ASPRV1: variants seen among roughly 807,000 people sequenced by gnomAD.
ASPRV1 encodes aspartic peptidase retroviral like 1, also known as retroviral-like aspartic protease 1.
In ASPRV1, 7 loss-of-function variants were observed where a neutral mutation model predicts 11.0. The ratio of observed to expected loss-of-function variants is 0.64; its 90% CI spans 0.36 to 1.20. The LOEUF (loss-of-function observed/expected upper bound fraction) is 1.20, where lower values mean the gene tolerates loss of function less well. Ranked by LOEUF, ASPRV1 falls within the 50% of genes most tolerant of loss-of-function variation. The pLI, the probability that ASPRV1 is intolerant of heterozygous loss-of-function variation, is 0.02. For synonymous variants in ASPRV1, 136 were observed against 138.4 expected, an observed-to-expected ratio of 0.98 and a Z score of 0.12; for missense variants, 299 against 320.0, an observed-to-expected ratio of 0.93 and a Z score of 0.50.
At chr2:70,071,970 GAGAA>G in the ASPRV1 span, among the ~76,000 whole-genome samples, 2 of 149,384 alleles carry the variant, frequency 1.3e-5, no homozygotes, top group Non-Finnish European at 3.0e-5. Context: ...TTTTTTTTAT[GAGAA>G]AGAGTCTCGC....
At chr2:69,968,933 T>TCTCCTGAATC in the ASPRV1 span, among the ~76,000 whole-genome samples, 1 of 152,218 alleles carries the variant, frequency 6.6e-6, no homozygotes. Flanking sequence ...GTACACTCTT[T>TCTCCTGAATC]TCCTGAATCT....
chr2:70,019,510 G>A, the ASPRV1 span, among the ~76,000 whole-genome samples: 101 of 148,862 alleles, frequency 6.8e-4, no homozygotes, highest in Non-Finnish European at 3.2e-4. Context: ...TAAAATCAAT[G>A]TAAGTGTCCA....
At chr2:69,988,078 A>G in the ASPRV1 span, among the ~76,000 whole-genome samples, 1 of 152,260 alleles carries the variant, frequency 6.6e-6, no homozygotes, top group African/African-American at 2.4e-5. Context: ...AAAGTAGTAT[A>G]CAGCCACTGT....
the ASPRV1 span, among the ~76,000 whole-genome samples, chr2:69,970,332 A>G: frequency 6.6e-6 from 1 of 152,162 alleles, no homozygotes. Context: ...AAGTCTGCTC[A>G]TGCCATTCTG....
At chr2:69,957,294 G>C (rs1018028151), downstream of ASPRV1, among the ~76,000 whole-genome samples, 8 of 152,076 alleles carry the variant, frequency 5.3e-5, no homozygotes, top group Non-Finnish European at 8.8e-5. Context: ...ATATAGATAG[G>C]AGAAAAGGAA....
the ASPRV1 span, among the ~76,000 whole-genome samples, chr2:69,934,805 G>A: frequency 1.3e-5 from 2 of 152,180 alleles, no homozygotes; most frequent in Non-Finnish European, 2.9e-5. Context: ...ACTACACGGT[G>A]TGGATGTAGC....
chr2:70,057,470 C>T, the ASPRV1 span, among the ~76,000 whole-genome samples: 3 of 152,008 alleles, frequency 2.0e-5, no homozygotes, highest in African/African-American at 7.2e-5. Context: ...CTGCAACCAA[C>T]CATCCATTAT....
At chr2:70,040,005 A>G in the ASPRV1 span, among the ~76,000 whole-genome samples, 1 of 152,194 alleles carries the variant, frequency 6.6e-6, no homozygotes, top group Non-Finnish European at 1.5e-5. Flanking sequence ...TGGTGTGATG[A>G]ACAATATAAT....
At chr2:70,042,819 C>A in the ASPRV1 span, among the ~76,000 whole-genome samples, 3 of 152,114 alleles carry the variant, frequency 2.0e-5, no homozygotes, top group African/African-American at 7.2e-5. Flanking sequence ...GAGGACAGGC[C>A]ATTCCTAGGC....
the ASPRV1 span, among the ~76,000 whole-genome samples, chr2:69,982,303 A>AT: frequency 1.3e-5 from 2 of 151,844 alleles, no homozygotes; most frequent in African/African-American, 4.8e-5. Flanking sequence ...AAAAAAAAAA[A>AT]AAAATAGCCA....
chr2:69,959,613 C>T (rs959475015), downstream of ASPRV1, among the ~76,000 whole-genome samples: 1 of 152,148 alleles, frequency 6.6e-6, no homozygotes, highest in Non-Finnish European at 1.5e-5. Context: ...CCTGCCTTGC[C>T]ACAGCCTCCC....
At chr2:69,948,843 C>T in the ASPRV1 span, among the ~76,000 whole-genome samples, 1 of 152,164 alleles carries the variant, frequency 6.6e-6, no homozygotes, top group Non-Finnish European at 1.5e-5. Flanking sequence ...GCACTCAGGC[C>T]TCCCCCGCGG....
chr2:70,047,494 G>C, the ASPRV1 span, among the ~76,000 whole-genome samples: 3 of 152,186 alleles, frequency 2.0e-5, no homozygotes, highest in African/African-American at 7.2e-5. Context: ...CTATGTGCAA[G>C]ATCTTGAAAG....
chr2:70,084,115 A>C, the ASPRV1 span, among the ~76,000 whole-genome samples: 1 of 152,200 alleles, frequency 6.6e-6, no homozygotes, highest in Admixed American at 6.5e-5. Context: ...GGGAAAGGGA[A>C]GGCTTCACTG....
chr2:70,033,234 T>C, the ASPRV1 span, among the ~76,000 whole-genome samples: 1 of 150,714 alleles, frequency 6.6e-6, no homozygotes, highest in Non-Finnish European at 1.5e-5. Context: ...CTGTCCCAGA[T>C]ACAGGACTCA....
chr2:70,070,780 TATCA>T, the ASPRV1 span: 5 of 86,106 alleles, frequency 5.8e-5, no homozygotes, highest in Non-Finnish European at 9.8e-5. Context: ...TGAGACTCCG[TATCA>T]AAAAAAAAAA....
At chr2:70,073,788 G>A in the ASPRV1 span, among the ~76,000 whole-genome samples, 12 of 151,884 alleles carry the variant, frequency 7.9e-5, no homozygotes, top group African/African-American at 1.9e-4. Context: ...TCAGGGAGAC[G>A]GCTCATCCCT....
the ASPRV1 span, among the ~76,000 whole-genome samples, chr2:70,021,509 G>A: frequency 6.6e-6 from 1 of 151,210 alleles, no homozygotes; most frequent in African/African-American, 2.4e-5. Flanking sequence ...TGGTAGAGAC[G>A]GGGCTTCACT....
chr2:70,034,599 A>C, the ASPRV1 span, among the ~76,000 whole-genome samples: 2 of 151,828 alleles, frequency 1.3e-5, no homozygotes, highest in African/African-American at 4.8e-5. Flanking sequence ...AGAAAATCAG[A>C]TTTTATTTTG....
Sources: gnomAD v4.1 joint callset for allele counts (sites outside exome capture counted in the v4.1 genomes callset) on GRCh38, gnomAD v4.1.1 for gene constraint, MANE v1.5 for transcripts, NCBI Gene and HGNC (gene_info 2026-07-23, HGNC 2026-07-21) for gene names.